Variants in GAP43 observed in about 807,000 individuals in gnomAD.
GAP43 encodes the protein neuromodulin.
A neutral mutation model predicts 18.6 loss-of-function variants in GAP43; 6 were observed. The ratio of observed to expected loss-of-function variants is 0.32; its 90% CI spans 0.18 to 0.64. The LOEUF is 0.64. GAP43 is among the 30% of genes least tolerant of loss of function. GAP43 has a pLI of 0.78. For missense variants in GAP43, 292 were observed against 295.5 expected, an observed-to-expected ratio of 0.99 and a Z score of 0.09; for synonymous variants, 115 against 111.4, an observed-to-expected ratio of 1.03 and a Z score of -0.20.
chr3:115,659,993 T>C (rs1351831949), intron 1 of GAP43, among the ~76,000 whole-genome samples: 1 of 152,216 alleles, frequency 6.6e-6, no homozygotes, highest in Non-Finnish European at 1.5e-5. Flanking sequence ...GACATTTCTT[T>C]AGAATCTTTC....
rs1421127926 is a variant in GAP43, at chr3:115,697,955, A to G, written c.628+21345A>G. 2.9e-5 allele frequency among the ~76,000 whole-genome samples: 4 copies of G among 138,906 alleles called. No homozygotes were observed. In the East Asian group the frequency reaches 8.3e-4, roughly 29 times the overall value. 91.1% of individuals were successfully genotyped at this position (138,906 alleles called of 152,430 possible). ...GCGGGAGCATTTCTTCAAAGGAACC[A>G]CTGCATAAAAATTCACAGAGTACAT... On this transcript the variant is annotated intron_variant, in intron 2 of 2. Coordinates refer to ENST00000305124, the MANE Select transcript of GAP43 (RefSeq NM_002045.4).
At chr3:115,635,484 G>T (rs1241330629) in intron 1 of GAP43, among the ~76,000 whole-genome samples, 1 of 152,060 alleles carries the variant, frequency 6.6e-6, no homozygotes. Flanking sequence ...AACCAGTATG[G>T]AGGAGGAAAT....
At chr3:115,625,295 G>T (rs932999905) in intron 1 of GAP43, among the ~76,000 whole-genome samples, 2 of 151,852 alleles carry the variant, frequency 1.3e-5, no homozygotes, top group African/African-American at 4.8e-5. Context: ...GATTGAGTTG[G>T]GGGCGGTATT....
chr3:115,645,907 C>T (rs1708452948), intron 1 of GAP43, among the ~76,000 whole-genome samples: 1 of 151,994 alleles, frequency 6.6e-6, no homozygotes, highest in Admixed American at 6.6e-5. Flanking sequence ...ACACAAAACT[C>T]TTAACTCCGG....
At chr3:115,671,006 A>G (rs1436625622) in intron 1 of GAP43, among the ~76,000 whole-genome samples, 1 of 152,208 alleles carries the variant, frequency 6.6e-6, no homozygotes, top group African/African-American at 2.4e-5. Context: ...TAATGGTACT[A>G]TTTATAGCTA....
intron 1 of GAP43, among the ~76,000 whole-genome samples, chr3:115,672,732 C>CCCTATCCTCT (rs1708829043): frequency 9.3e-6 from 1 of 107,500 alleles, no homozygotes; most frequent in South Asian, 3.2e-4. Context: ...CTTCCCACAT[C>CCCTATCCTCT]CCTCTCCTCT....
chr3:115,709,546 A>T (rs1157217089), intron 2 of GAP43, among the ~76,000 whole-genome samples: 1 of 152,192 alleles, frequency 6.6e-6, no homozygotes, highest in Admixed American at 6.5e-5. Flanking sequence ...TACAATTAAC[A>T]TTGACTTCCT....
At chr3:115,701,406 C>T (rs1234503166) in intron 2 of GAP43, among the ~76,000 whole-genome samples, 1 of 151,772 alleles carries the variant, frequency 6.6e-6, no homozygotes, top group Admixed American at 6.6e-5. Context: ...ATTTAAAGAG[C>T]CCTACACACA....
intron 2 of GAP43, among the ~76,000 whole-genome samples, chr3:115,693,581 T>C (rs1040122336): frequency 1.3e-5 from 2 of 152,196 alleles, no homozygotes; most frequent in Non-Finnish European, 2.9e-5. Flanking sequence ...GCATTAATGC[T>C]ATGGTGTTAA....
chr3:115,698,568 G>C (rs189700207), intron 2 of GAP43, among the ~76,000 whole-genome samples: 4 of 151,422 alleles, frequency 2.6e-5, no homozygotes, highest in Non-Finnish European at 5.9e-5. Flanking sequence ...TGTCTGTGGG[G>C]CTATGTTTGT....
chr3:115,642,032 C>T (rs1245351022), intron 1 of GAP43, among the ~76,000 whole-genome samples: 1 of 151,966 alleles, frequency 6.6e-6, no homozygotes, highest in African/African-American at 2.4e-5. Flanking sequence ...GTTTTATGCT[C>T]AAGGCCATTC....
intron 1 of GAP43, among the ~76,000 whole-genome samples, chr3:115,624,456 G>C (rs971284203): frequency 6.6e-5 from 10 of 152,026 alleles, no homozygotes; most frequent in Non-Finnish European, 1.2e-4. Context: ...CCGATGGGAT[G>C]GGAAAGACAG....
chr3:115,691,345 T>C (rs527336419), intron 2 of GAP43, among the ~76,000 whole-genome samples: 1 of 152,220 alleles, frequency 6.6e-6, no homozygotes. Context: ...CAGAGCGATC[T>C]TGGAATCGGA....
intron 1 of GAP43, among the ~76,000 whole-genome samples, chr3:115,634,593 G>T (rs1017593133): frequency 5.3e-5 from 8 of 152,016 alleles, no homozygotes; most frequent in Admixed American, 3.9e-4. Flanking sequence ...AACATAGTGA[G>T]ACCTTGTTTC....
At position 115,720,826 on chromosome 3, in the gene GAP43, G is replaced by T. The variant is rs775694986; in HGVS notation, c.661G>T (p.Ala221Ser). 6.2e-7 allele frequency: 1 copy of T among 1,613,016 alleles called. No individual in the cohort carries two copies. Among genetic ancestry groups the T allele is most frequent in the Non-Finnish European group, 8.5e-7 (1 of 1,179,340 alleles). ...AVDETKPKES[A>S]RQDEGKEEEP... Reference sequence around the variant, plus strand: ...AGATGAAACCAAACCTAAGGAAAGTGCCCGGCAGGACGAGGGTAAAGAAGA... The same window carrying T: ...AGATGAAACCAAACCTAAGGAAAGTTCCCGGCAGGACGAGGGTAAAGAAGA... The change falls in exon 3 of 3, where the codon GCC becomes TCC. Residue 221 changes from alanine (A) to serine (S), a missense_variant. Transcript: ENST00000305124.
At chr3:115,711,903 A>C (rs1389608212) in intron 2 of GAP43, among the ~76,000 whole-genome samples, 1 of 152,260 alleles carries the variant, frequency 6.6e-6, no homozygotes, top group Non-Finnish European at 1.5e-5. Flanking sequence ...GTAAGAAATA[A>C]AGTTAACATC....
At chr3:115,704,120 A>C (rs538831687) in intron 2 of GAP43, among the ~76,000 whole-genome samples, 1 of 152,096 alleles carries the variant, frequency 6.6e-6, no homozygotes, top group African/African-American at 2.4e-5. Context: ...CACACATGCA[A>C]GTATATAATG....
intron 1 of GAP43, among the ~76,000 whole-genome samples, chr3:115,625,838 C>A (rs759876543): frequency 6.6e-6 from 1 of 152,218 alleles, no homozygotes; most frequent in African/African-American, 2.4e-5. Context: ...CCACATACTT[C>A]ATATGCTACA....
At chr3:115,707,986 G>A (rs1159290373) in intron 2 of GAP43, among the ~76,000 whole-genome samples, 2 of 143,332 alleles carry the variant, frequency 1.4e-5, no homozygotes, top group Admixed American at 7.2e-5. Context: ...TATATATATC[G>A]GGATACACAC....
Sources: gnomAD v4.1 joint callset for allele counts (sites outside exome capture counted in the v4.1 genomes callset) on GRCh38, gnomAD v4.1.1 for gene constraint, MANE v1.5 for transcripts, NCBI Gene and HGNC (gene_info 2026-07-23, HGNC 2026-07-21) for gene names.